The following TLK1 variants were observed in gnomAD, a reference collection of about 807,000 sequenced individuals.
The protein encoded by TLK1 is serine/threonine-protein kinase tousled-like 1.
In TLK1, 24 loss-of-function variants were observed where a neutral mutation model predicts 105.3. The observed-to-expected ratio is 0.23, with a 90% confidence interval of 0.17 to 0.32. The LOEUF (loss-of-function observed/expected upper bound fraction) is 0.32, where lower values mean the gene tolerates loss of function less well. Among genes scored for constraint, TLK1 ranks in the 10% least tolerant of loss-of-function variants. The probability of loss-of-function intolerance (pLI) is 1.00; values close to 1 mark genes in which losing one functional copy is unlikely to be tolerated. For synonymous variants in TLK1, 321 were observed against 310.4 expected, an observed-to-expected ratio of 1.03 and a Z score of -0.36; for missense variants, 558 against 910.5, an observed-to-expected ratio of 0.61 and a Z score of 4.98.
chr2:171,160,217 C>CGGG lies in TLK1; in HGVS notation c.139+70_139+72dup, dbSNP rs377552379. 1.8e-5 allele frequency: 17 copies of CGGG among 958,800 alleles called. No homozygotes were observed. The highest frequency in any genetic ancestry group is 6.6e-5 in the African/African-American group (3 of 45,204). 59.4% of individuals were successfully genotyped at this position (958,800 alleles called of 1,614,324 possible). Reference sequence around the variant, plus strand: ...CGGAGAAGCCCCGGGGCGGGGGGGGCGGGGGGGGGGCGCGGGGGTCCGCGG... The same window carrying CGGG: ...CGGAGAAGCCCCGGGGCGGGGGGGGCGGGGGGGGGGGGGCGCGGGGGTCCGCGG... On this transcript the variant is annotated intron_variant, in intron 1 of 20. Coordinates refer to ENST00000431350, the MANE Select transcript of TLK1 (RefSeq NM_012290.5). The surrounding 1 kb of genome is among the most constrained non-coding windows in gnomAD (Gnocchi z 4.4).
intron 1 of TLK1, among the ~76,000 whole-genome samples, chr2:171,137,870 AAAAAG>A (rs149277264): frequency 6.6e-6 from 1 of 151,550 alleles, no homozygotes; most frequent in African/African-American, 2.4e-5. Context: ...AAATAAAATA[AAAAAG>A]TAAAAAATAA....
In TLK1 at chr2:171,213,085, T is replaced by A. The variant is rs985659120; in HGVS notation, c.-6+18060A>T. ...AGTTATAAAGCCTTTTCTAAAAAAATTTTTTTTTAGAAAAAATATTTTTAT... is the reference window on the plus strand; with the variant it reads ...AGTTATAAAGCCTTTTCTAAAAAAAATTTTTTTTAGAAAAAATATTTTTAT... On this transcript the variant is annotated intron_variant, in intron 1 of 20. Coordinates refer to the TLK1 transcript ENST00000521943. Among the ~76,000 whole-genome samples the A allele has an allele frequency of 9.2e-5, 14 of 151,752 alleles. No individual in the cohort carries two copies. In the South Asian group the frequency reaches 1.7e-3, roughly 18 times the overall value.
intron 11 of TLK1, among the ~76,000 whole-genome samples, chr2:171,042,053 A>G (rs1224853427): frequency 6.6e-6 from 1 of 152,222 alleles, no homozygotes; most frequent in Non-Finnish European, 1.5e-5. Flanking sequence ...TGTAGTACCC[A>G]TCACTTCATT....
chr2:171,049,664 C>T (rs1375234799), intron 10 of TLK1, 150 bp downstream of exon 10: 24 of 859,386 alleles, frequency 2.8e-5, no homozygotes, highest in Non-Finnish European at 2.9e-5. Flanking sequence ...AACTGTAATA[C>T]TCTTGGTTTC....
chr2:171,104,346 A>G (rs1462004239), intron 2 of TLK1, among the ~76,000 whole-genome samples: 1 of 152,088 alleles, frequency 6.6e-6, no homozygotes, highest in Admixed American at 6.6e-5. Context: ...AAACGTAACC[A>G]ATGAGGTGAA....
chr2:171,071,605 CT>C (rs1321541779), intron 3 of TLK1, among the ~76,000 whole-genome samples: 1 of 151,792 alleles, frequency 6.6e-6, no homozygotes, highest in Non-Finnish European at 1.5e-5. Flanking sequence ...CCATTTTTAC[CT>C]TTGGTTGCCT....
chr2:171,048,339 T>G (rs1558907169), intron 10 of TLK1, among the ~76,000 whole-genome samples: 1 of 152,246 alleles, frequency 6.6e-6, no homozygotes, highest in Non-Finnish European at 1.5e-5. Context: ...CTGTCTCTTT[T>G]ATTCATTGCA....
At chr2:170,996,561 G>T in intron 20 of TLK1, 92 bp downstream of exon 20, 1 of 1,024,004 alleles carries the variant, frequency 9.8e-7, no homozygotes, top group Non-Finnish European at 1.5e-6. Context: ...CGAGTCTTGT[G>T]ACTTTACTTA....
intron 10 of TLK1, among the ~76,000 whole-genome samples, chr2:171,048,229 G>A (rs1393014135): frequency 3.3e-5 from 5 of 152,302 alleles, no homozygotes; most frequent in African/African-American, 7.2e-5. Flanking sequence ...GATTACAGGC[G>A]TGAGCCACTG....
chr2:171,133,902 C>G (rs1029245673), intron 1 of TLK1, among the ~76,000 whole-genome samples: 1 of 151,782 alleles, frequency 6.6e-6, no homozygotes, highest in East Asian at 1.9e-4. Flanking sequence ...GTGGCATGAT[C>G]GCAGCTAACT....
At chr2:171,125,717 A>C (rs4668369) in intron 1 of TLK1, among the ~76,000 whole-genome samples, 11,398 of 152,200 alleles carry the variant, frequency 0.075, 559 homozygotes, top group South Asian at 0.17. Context: ...TGTCACAAAG[A>C]ATTATTTATT....
intron 12 of TLK1, among the ~76,000 whole-genome samples, chr2:171,026,299 CA>C (rs1363781383): frequency 6.6e-6 from 1 of 152,038 alleles, no homozygotes. Context: ...AATATTTGGA[CA>C]CTAAGTATAC....
In TLK1 at chr2:170,993,668, TAAAAAAAAAA is replaced by T. The variant is rs71008739; in HGVS notation, c.*102_*111del. The T allele has an allele frequency of 1.7e-4, 74 of 433,804 alleles. No homozygotes were observed. Among genetic ancestry groups the T allele is most frequent in the Non-Finnish European group, 2.1e-4 (64 of 300,884 alleles). The allele number at this position is 433,804 out of a possible 1,614,324, so 26.9% of individuals were successfully genotyped here. ...AAACAGTTCTTAACCACGTCTTGTG[TAAAAAAAAAA>T]AAAAAAAAAAAAGAAAAAGAAAACA... On this transcript the variant is annotated 3_prime_UTR_variant, in exon 21 of 21. Coordinates refer to ENST00000431350, the MANE Select transcript of TLK1 (RefSeq NM_012290.5).
chr2:171,201,693 T>C (rs1185408217), intron 1 of TLK1, among the ~76,000 whole-genome samples: 1 of 152,180 alleles, frequency 6.6e-6, no homozygotes, highest in Non-Finnish European at 1.5e-5. Context: ...TCTGAAGAAA[T>C]CTCAGGGATT....
intron 13 of TLK1, among the ~76,000 whole-genome samples, chr2:171,011,778 A>C (rs1390696805): frequency 6.6e-6 from 1 of 152,180 alleles, no homozygotes; most frequent in Non-Finnish European, 1.5e-5. Flanking sequence ...AGCAAGAATC[A>C]CTTCTCTGGA....
chr2:171,037,559 G>T (rs909539204), intron 11 of TLK1, among the ~76,000 whole-genome samples: 1 of 151,932 alleles, frequency 6.6e-6, no homozygotes, highest in African/African-American at 2.4e-5. Context: ...TGTTTGCTAA[G>T]AGTTTTAGTC....
At chr2:171,222,574 C>G in intron 1 of TLK1, among the ~76,000 whole-genome samples, 1 of 152,052 alleles carries the variant, frequency 6.6e-6, no homozygotes, top group Admixed American at 6.6e-5. Context: ...TCAAGTGATC[C>G]ACCCCCCTCT....
At chr2:171,142,741 A>C (rs1291355846) in intron 1 of TLK1, among the ~76,000 whole-genome samples, 1 of 152,250 alleles carries the variant, frequency 6.6e-6, no homozygotes, top group Non-Finnish European at 1.5e-5. Context: ...CTGAAACAGA[A>C]ACAAACTTGA....
At chr2:171,186,050 G>C (rs1693018988) in intron 1 of TLK1, among the ~76,000 whole-genome samples, 1 of 152,134 alleles carries the variant, frequency 6.6e-6, no homozygotes, top group African/African-American at 2.4e-5. Flanking sequence ...TACTCACAAG[G>C]CTTGGCTACA....
Sources: gnomAD v4.1 joint callset for allele counts (sites outside exome capture counted in the v4.1 genomes callset) on GRCh38, gnomAD v4.1.1 for gene constraint, Gnocchi (gnomAD v3.1) non-coding constraint, MANE v1.5 for transcripts, NCBI Gene and HGNC (gene_info 2026-07-23, HGNC 2026-07-21) for gene names.